TNFRSF21: variants seen among roughly 807,000 people sequenced by gnomAD.
The protein encoded by TNFRSF21 is tumor necrosis factor receptor superfamily member 21.
TNFRSF21 carries 19 observed loss-of-function variants against 45.6 expected under a neutral mutation model. That is an observed-to-expected ratio of 0.42 (90% confidence interval 0.29 to 0.61). The LOEUF (loss-of-function observed/expected upper bound fraction) is 0.61, where lower values mean the gene tolerates loss of function less well. TNFRSF21 is among the 20% of genes least tolerant of loss of function. TNFRSF21 has a pLI of 0.23. For missense variants in TNFRSF21, 737 were observed against 851.5 expected, an observed-to-expected ratio of 0.87 and a Z score of 1.67; for synonymous variants, 314 against 335.5, an observed-to-expected ratio of 0.94 and a Z score of 0.70.
In TNFRSF21 at chr6:47,260,832, T is replaced by G. The variant is rs531478109; in HGVS notation, c.1244-7311A>C. 7.3e-4 allele frequency among the ~76,000 whole-genome samples: 111 copies of G among 152,300 alleles called. 1 individual carries two copies. In the South Asian group the frequency reaches 0.022, roughly 30 times the overall value. ...CAGGTTTATAAACTTTTTGATGGTA[T>G]CAAACTCATCATATAAAAAGATTCA... On this transcript the variant is annotated intron_variant, in intron 3 of 5. Transcript: ENST00000296861.
chr6:47,244,528 T>C (rs1205189128), intron 4 of TNFRSF21, among the ~76,000 whole-genome samples: 1 of 152,186 alleles, frequency 6.6e-6, no homozygotes, highest in Non-Finnish European at 1.5e-5. Flanking sequence ...TATTGTTAAG[T>C]AGTTGCATTG....
At chr6:47,290,271 T>A (rs1215481542) in intron 1 of TNFRSF21, among the ~76,000 whole-genome samples, 1 of 152,174 alleles carries the variant, frequency 6.6e-6, no homozygotes, top group Non-Finnish European at 1.5e-5. Context: ...CACTCTGATG[T>A]GCTGTGTGAT....
Position 47,284,071 on chromosome 6 carries a change from G to T in TNFRSF21, c.1110C>A (p.Ile370=), listed in dbSNP as rs762118674. 2 of 1,614,184 alleles carry T rather than the reference G, an allele frequency of 1.2e-6. No individual in the cohort carries two copies. Among genetic ancestry groups the T allele is most frequent in the Non-Finnish European group, 1.7e-6 (2 of 1,180,032 alleles). ...LVLVVIVVCS[I]RKSSRTLKKG... ...TTTTCAGAGTCCTCGAGCTTTTCCG[G>T]ATACTGCACACCACAATCACCACAA... The change falls in exon 3 of 6, where the codon ATC becomes ATA. Residue 370 remains isoleucine, a synonymous_variant. Transcript: ENST00000296861.
At chr6:47,296,179 C>A (rs1762787241) in intron 1 of TNFRSF21, among the ~76,000 whole-genome samples, 1 of 152,118 alleles carries the variant, frequency 6.6e-6, no homozygotes, top group South Asian at 2.1e-4. Flanking sequence ...AGGAAAGATG[C>A]AGAAGGAATG....
intron 1 of TNFRSF21, among the ~76,000 whole-genome samples, chr6:47,294,238 G>C (rs766877493): frequency 6.6e-6 from 1 of 152,126 alleles, no homozygotes; most frequent in African/African-American, 2.4e-5. Flanking sequence ...CCGCCTCCTG[G>C]GTTCAAGCAA....
At chr6:47,268,408 A>C (rs1762364501) in intron 3 of TNFRSF21, among the ~76,000 whole-genome samples, 1 of 152,198 alleles carries the variant, frequency 6.6e-6, no homozygotes, top group African/African-American at 2.4e-5. Flanking sequence ...CTGGACAAGA[A>C]CATTTTCAAG....
intron 4 of TNFRSF21, among the ~76,000 whole-genome samples, chr6:47,251,128 A>G (rs1280827094): frequency 6.6e-6 from 1 of 152,244 alleles, no homozygotes; most frequent in Non-Finnish European, 1.5e-5. Context: ...CATATCAGAT[A>G]AAGGATACTC....
At chr6:47,271,262 G>C (rs917536112) in intron 3 of TNFRSF21, among the ~76,000 whole-genome samples, 1 of 152,224 alleles carries the variant, frequency 6.6e-6, no homozygotes, top group Non-Finnish European at 1.5e-5. Context: ...GGGAGCCAGA[G>C]AGAAAGGTCA....
At chr6:47,234,985 C>A (rs1347060062) in intron 4 of TNFRSF21, 87 bp from the exon 5 acceptor site, 2 of 760,654 alleles carry the variant, frequency 2.6e-6, no homozygotes, top group Admixed American at 8.2e-5. Flanking sequence ...TTTTTTTGTT[C>A]CATTTAACAT....
In TNFRSF21 at chr6:47,284,092, C is replaced by T; in HGVS notation, c.1089G>A (p.Val363=). The part of the protein sequence containing the change: ...MIVLFLLLVL[V]VIVVCSIRKS... ...TCCGGATACTGCACACCACAATCACCACAAGCACCAGCAGCAGGAAAAGCA... is the reference window on the plus strand; with the variant it reads ...TCCGGATACTGCACACCACAATCACTACAAGCACCAGCAGCAGGAAAAGCA... The change falls in exon 3 of 6, where the codon GTG becomes GTA. Residue 363 remains valine, a synonymous_variant. Transcript: ENST00000296861. The T allele has an allele frequency of 1.2e-6, 2 of 1,614,246 alleles. No individual in the cohort carries two copies. The highest frequency in any genetic ancestry group is 1.7e-6 in the Non-Finnish European group (2 of 1,180,050).
chr6:47,244,157 TA>T (rs1415054958), intron 4 of TNFRSF21, among the ~76,000 whole-genome samples: 6 of 151,866 alleles, frequency 4.0e-5, no homozygotes, highest in African/African-American at 7.2e-5. Flanking sequence ...CCATCTCTAC[TA>T]AAAAATACAA....
chr6:47,291,932 T>C (rs1280737659), intron 1 of TNFRSF21, among the ~76,000 whole-genome samples: 1 of 152,328 alleles, frequency 6.6e-6, no homozygotes, highest in Non-Finnish European at 1.5e-5. Context: ...GAGACTCAGA[T>C]GGCACCTGAG....
At chr6:47,233,326 G>A (rs1561935850) in intron 5 of TNFRSF21, among the ~76,000 whole-genome samples, 1 of 152,196 alleles carries the variant, frequency 6.6e-6, no homozygotes, top group Non-Finnish European at 1.5e-5. Flanking sequence ...TTCAGAAGGT[G>A]AATGGTGAGA....
Position 47,232,475 on chromosome 6 carries a change from T to A in TNFRSF21, c.*290A>T. The A allele has an allele frequency of 3.1e-6, 1 of 319,694 alleles. No individual in the cohort carries two copies. The highest frequency in any genetic ancestry group is 5.8e-5 in the East Asian group (1 of 17,200). 19.8% of individuals were successfully genotyped at this position (319,694 alleles called of 1,614,324 possible). ...ACATAAGAAGGCAAAATGGAGAAAA[T>A]ATGGAACTTAAAAAACTTTAGTGGT... On this transcript the variant is annotated 3_prime_UTR_variant, in exon 6 of 6. Coordinates refer to ENST00000296861, the MANE Select transcript of TNFRSF21 (RefSeq NM_014452.5).
At chr6:47,234,510 C>T (rs1764633185) in intron 5 of TNFRSF21, among the ~76,000 whole-genome samples, 160 bp downstream of exon 5, 1 of 152,166 alleles carries the variant, frequency 6.6e-6, no homozygotes, top group South Asian at 2.1e-4. Flanking sequence ...AGGTTACTCT[C>T]GGGCCAGCGT....
At chr6:47,273,292 A>T (rs915662565) in intron 3 of TNFRSF21, among the ~76,000 whole-genome samples, 1 of 152,240 alleles carries the variant, frequency 6.6e-6, no homozygotes, top group Non-Finnish European at 1.5e-5. Context: ...CAAATCCAGC[A>T]GTACATCAAA....
At chr6:47,262,053 T>G (rs531952568) in intron 3 of TNFRSF21, among the ~76,000 whole-genome samples, 1 of 152,290 alleles carries the variant, frequency 6.6e-6, no homozygotes, top group African/African-American at 2.4e-5. Flanking sequence ...AAAAATTATT[T>G]CTGAAGCAGA....
chr6:47,279,118 T>C (rs560761097), intron 3 of TNFRSF21, among the ~76,000 whole-genome samples: 1 of 152,216 alleles, frequency 6.6e-6, no homozygotes, highest in Non-Finnish European at 1.5e-5. Context: ...ATAAGTACTT[T>C]CAGGGCAATT....
At chr6:47,293,892 CA>C (rs1449448030) in intron 1 of TNFRSF21, among the ~76,000 whole-genome samples, 1 of 152,206 alleles carries the variant, frequency 6.6e-6, no homozygotes, top group African/African-American at 2.4e-5. Context: ...ATGGCTACCA[CA>C]ATACTGTATT....
Sources: gnomAD v4.1 joint callset for allele counts (sites outside exome capture counted in the v4.1 genomes callset) on GRCh38, gnomAD v4.1.1 for gene constraint, MANE v1.5 for transcripts, NCBI Gene and HGNC (gene_info 2026-07-23, HGNC 2026-07-21) for gene names.